ZC3H8: variants seen among roughly 807,000 people sequenced by gnomAD.
ZC3H8 encodes the protein zinc finger CCCH-type containing 8.
Under a neutral mutation model 42.5 loss-of-function variants are expected in ZC3H8, and 27 were observed. The observed-to-expected ratio is 0.64, with a 90% confidence interval of 0.47 to 0.88. The LOEUF (loss-of-function observed/expected upper bound fraction) is 0.88, where lower values mean the gene tolerates loss of function less well. Ranked by LOEUF, ZC3H8 falls within the 40% of genes least tolerant of loss-of-function variation. The probability of loss-of-function intolerance (pLI) is 0.00; values close to 1 mark genes in which losing one functional copy is unlikely to be tolerated. For synonymous variants in ZC3H8, 101 were observed against 110.1 expected, an observed-to-expected ratio of 0.92 and a Z score of 0.52; for missense variants, 277 against 336.1, an observed-to-expected ratio of 0.82 and a Z score of 1.37.
chr2:112,238,550 A>C, intron 2 of ZC3H8, 22 bp from the exon 3 acceptor site: 1 of 1,570,236 alleles, frequency 6.4e-7, no homozygotes, highest in Non-Finnish European at 8.6e-7. Context: ...TTAAAACTTC[A>C]ATTTTAAAAA....
chr2:112,235,880 A>G (rs1184056066), intron 4 of ZC3H8, among the ~76,000 whole-genome samples: 1 of 150,492 alleles, frequency 6.6e-6, no homozygotes, highest in Non-Finnish European at 1.5e-5. Context: ...ATGCCTCATG[A>G]CTATTTGATC....
chr2:112,215,444 T>C lies in ZC3H8; in HGVS notation c.*1040A>G, dbSNP rs184438675. On this transcript the variant is annotated 3_prime_UTR_variant, in exon 9 of 9. Coordinates refer to ENST00000409573, the MANE Select transcript of ZC3H8 (RefSeq NM_032494.3). ...TTGTCTGATAAACCTTTGCTTGGAGTATATGCAATTCCCTTTCTTGCTTTA... is the reference window on the plus strand; with the variant it reads ...TTGTCTGATAAACCTTTGCTTGGAGCATATGCAATTCCCTTTCTTGCTTTA... The C allele has an allele frequency of 6.6e-6, 1 of 152,320 alleles. No homozygotes were observed. Among genetic ancestry groups the C allele is most frequent in the Non-Finnish European group, 1.5e-5 (1 of 68,020 alleles). 9.4% of individuals were successfully genotyped at this position (152,320 alleles called of 1,614,324 possible).
chr2:112,246,520 T>C (rs11900089), intron 2 of ZC3H8, among the ~76,000 whole-genome samples: 46,011 of 152,002 alleles, frequency 0.3, 7,162 homozygotes, highest in African/African-American at 0.35. Context: ...CCCTCAGGGA[T>C]GACTTTGAGG....
At chr2:112,232,631 T>C (rs1466311692) in intron 6 of ZC3H8, among the ~76,000 whole-genome samples, 1 of 152,192 alleles carries the variant, frequency 6.6e-6, no homozygotes, top group Non-Finnish European at 1.5e-5. Context: ...TCTGGATCCT[T>C]TGTACATTAG....
chr2:112,236,475 C>T, intron 4 of ZC3H8, 87 bp downstream of exon 4: 1 of 1,537,282 alleles, frequency 6.5e-7, no homozygotes. Context: ...CTCTCCATAT[C>T]ACATAGCACT....
rs1166711844 is a variant in ZC3H8, at chr2:112,213,775, CAAAAAAAAAAAAAAAAAAAAA to C, written c.*2688_*2708del. 6 of 24,076 alleles carry C rather than the reference CAAAAAAAAAAAAAAAAAAAAA, an allele frequency of 2.5e-4. No individual in the cohort carries two copies. Among genetic ancestry groups the C allele is most frequent in the South Asian group, 5.4e-3 (2 of 368 alleles). The allele number at this position is 24,076 out of a possible 1,614,324, so 1.5% of individuals were successfully genotyped here. The stretch of plus-strand genomic sequence containing the variant: ...TGGGCGACAGAGCGAGACTCCGTCT[CAAAAAAAAAAAAAAAAAAAAA>C]AAAAAAAAAAAAAAATTTAGTTCTA... On this transcript the variant is annotated 3_prime_UTR_variant, in exon 9 of 9. Transcript: ENST00000409573.
At chr2:112,254,218 G>C in intron 1 of ZC3H8, 1 of 905,144 alleles carries the variant, frequency 1.1e-6, no homozygotes, top group Non-Finnish European at 1.3e-6. Flanking sequence ...AATAAAAGAC[G>C]TAGGTTTAAG....
chr2:112,253,363 G>A (rs527836879), intron 1 of ZC3H8, among the ~76,000 whole-genome samples: 4 of 152,076 alleles, frequency 2.6e-5, no homozygotes, highest in South Asian at 2.1e-4. Context: ...TGCTCAATAC[G>A]ATTTTTTGAA....
At chr2:112,245,638 A>C (rs1685735684) in intron 2 of ZC3H8, among the ~76,000 whole-genome samples, 1 of 152,212 alleles carries the variant, frequency 6.6e-6, no homozygotes. Context: ...TGGGTGACAG[A>C]GCAAGACTCC....
At chr2:112,253,742 G>A (rs906700105) in intron 1 of ZC3H8, among the ~76,000 whole-genome samples, 1 of 152,080 alleles carries the variant, frequency 6.6e-6, no homozygotes, top group African/African-American at 2.4e-5. Flanking sequence ...GCTGCTGTTC[G>A]GATTTTTAAA....
intron 2 of ZC3H8, among the ~76,000 whole-genome samples, chr2:112,242,415 A>G (rs143826184): frequency 2.0e-5 from 3 of 152,370 alleles, no homozygotes; most frequent in African/African-American, 7.2e-5. Flanking sequence ...CTACAACAGC[A>G]GAGCTGAGTA....
intron 8 of ZC3H8, among the ~76,000 whole-genome samples, chr2:112,226,219 G>GTT (rs374883985): frequency 6.7e-6 from 1 of 148,452 alleles, no homozygotes; most frequent in Non-Finnish European, 1.5e-5. Context: ...TACCAAAGCT[G>GTT]TTTTTTTTTT....
At chr2:112,234,860 T>C (rs1269714095) in intron 4 of ZC3H8, among the ~76,000 whole-genome samples, 1 of 151,974 alleles carries the variant, frequency 6.6e-6, no homozygotes, top group East Asian at 1.9e-4. Flanking sequence ...AACCGAAGTC[T>C]AAGAACGAAG....
At chr2:112,235,164 T>C (rs939306411) in intron 4 of ZC3H8, among the ~76,000 whole-genome samples, 2 of 152,282 alleles carry the variant, frequency 1.3e-5, no homozygotes, top group Non-Finnish European at 2.9e-5. Context: ...AATTTTTGCA[T>C]ACAGTTTTAG....
chr2:112,234,382 T>C, intron 4 of ZC3H8, 146 bp from the exon 5 acceptor site: 1 of 592,574 alleles, frequency 1.7e-6, no homozygotes, highest in Non-Finnish European at 2.9e-6. Flanking sequence ...TGGATTTCTG[T>C]ACACCAGGTT....
chr2:112,254,883 A>G (rs1380636771), intron 1 of ZC3H8, 25 bp downstream of exon 1: 3 of 1,611,650 alleles, frequency 1.9e-6, no homozygotes, highest in Non-Finnish European at 2.5e-6. Context: ...CCCTGCATTC[A>G]AAAGATGAAA....
chr2:112,217,552 T>C (rs898032779), intron 8 of ZC3H8, among the ~76,000 whole-genome samples: 6 of 152,244 alleles, frequency 3.9e-5, no homozygotes, highest in African/African-American at 1.4e-4. Context: ...ATATTGTGCA[T>C]TGTTTATTTA....
At chr2:112,240,657 C>T (rs2104662886) in intron 2 of ZC3H8, among the ~76,000 whole-genome samples, 1 of 152,204 alleles carries the variant, frequency 6.6e-6, no homozygotes, top group South Asian at 2.1e-4. Context: ...ATTAATAAAG[C>T]CAGGACAATC....
chr2:112,238,255 T>C (rs943836402), intron 3 of ZC3H8, 60 bp downstream of exon 3: 10 of 1,520,372 alleles, frequency 6.6e-6, no homozygotes, highest in Middle Eastern at 3.5e-4. Flanking sequence ...TGTCCGTATA[T>C]GGACAACTGT....
Sources: allele counts gnomAD v4.1 joint callset (sites outside exome capture counted in the v4.1 genomes callset), GRCh38; gene constraint gnomAD v4.1.1; transcripts MANE v1.5; gene names NCBI Gene and HGNC (gene_info 2026-07-23, HGNC 2026-07-21).